The following MCTP1 variants were observed in gnomAD, a reference collection of about 807,000 sequenced individuals.
The protein encoded by MCTP1 is multiple C2 and transmembrane domain-containing protein 1.
In MCTP1, 69 loss-of-function variants were observed where a neutral mutation model predicts 120.6. The ratio of observed to expected loss-of-function variants is 0.57; its 90% CI spans 0.47 to 0.70. The LOEUF (loss-of-function observed/expected upper bound fraction) is 0.70, where lower values mean the gene tolerates loss of function less well. MCTP1 is among the 30% of genes least tolerant of loss of function. The pLI, the probability that MCTP1 is intolerant of heterozygous loss-of-function variation, is 0.00. For synonymous variants in MCTP1, 529 were observed against 493.1 expected (o/e 1.07, Z -0.96); for missense variants, 1,203 against 1,248.8 (o/e 0.96, Z 0.55).
chr5:94,943,070 C>T (rs1359275638), intron 3 of MCTP1, among the ~76,000 whole-genome samples: 1 of 152,002 alleles, frequency 6.6e-6, no homozygotes, highest in African/African-American at 2.4e-5. Context: ...TTCTTATTCA[C>T]TCTATGGTAA....
At chr5:94,926,823 G>A (rs541062198) in intron 6 of MCTP1, among the ~76,000 whole-genome samples, 10 of 152,270 alleles carry the variant, frequency 6.6e-5, no homozygotes, top group African/African-American at 2.4e-4. Context: ...CGACTCACTT[G>A]ATAACACATG....
chr5:95,278,962 C>CAAAAAAAAAAA (rs113219166), intron 1 of MCTP1, among the ~76,000 whole-genome samples: 1 of 80,922 alleles, frequency 1.2e-5, no homozygotes, highest in African/African-American at 4.0e-5. Flanking sequence ...AACTCCGTCT[C>CAAAAAAAAAAA]AAAAAAAAAA....
intron 1 of MCTP1, among the ~76,000 whole-genome samples, chr5:95,173,486 C>A (rs1747596400): frequency 6.6e-6 from 1 of 152,144 alleles, no homozygotes; most frequent in South Asian, 2.1e-4. Flanking sequence ...GTATAGCCAT[C>A]ATCTAGCTCC....
intron 1 of MCTP1, among the ~76,000 whole-genome samples, chr5:95,021,093 C>T (rs1838126036): frequency 6.6e-6 from 1 of 152,006 alleles, no homozygotes; most frequent in South Asian, 2.1e-4. Context: ...CATCTAGGTT[C>T]GAATCCTGCC....
chr5:94,859,339 T>C (rs1795303057), intron 17 of MCTP1, among the ~76,000 whole-genome samples: 1 of 151,656 alleles, frequency 6.6e-6, no homozygotes, highest in Non-Finnish European at 1.5e-5. Context: ...AGTTAACACA[T>C]ACAAAAGTAT....
At chr5:95,059,490 A>C (rs998667977) in intron 1 of MCTP1, among the ~76,000 whole-genome samples, 1 of 152,128 alleles carries the variant, frequency 6.6e-6, no homozygotes, top group South Asian at 2.1e-4. Context: ...TAATGGGATT[A>C]TTTGTACTCA....
Position 95,043,161 on chromosome 5 carries a change from A to G in MCTP1, c.721-25677T>C, listed in dbSNP as rs145366997. Among the ~76,000 whole-genome samples the G allele has an allele frequency of 1.3e-3, 197 of 152,352 alleles. 1 individual carries two copies. Among genetic ancestry groups the G allele is most frequent in the African/African-American group, 4.6e-3 (190 of 41,588 alleles). On this transcript the variant is annotated intron_variant, in intron 1 of 22. Coordinates refer to ENST00000515393, the MANE Select transcript of MCTP1 (RefSeq NM_024717.7). Reference sequence around the variant, plus strand: ...GCCAAGAACATATTATCAGATATTTATAATAAGTCAGTCTTCCACAGAGGG... The same window carrying G: ...GCCAAGAACATATTATCAGATATTTGTAATAAGTCAGTCTTCCACAGAGGG...
intron 22 of MCTP1, among the ~76,000 whole-genome samples, chr5:94,707,829 C>G (rs1755100172): frequency 6.6e-6 from 1 of 151,736 alleles, no homozygotes; most frequent in African/African-American, 2.4e-5. Context: ...AAAGTAAAAC[C>G]ATCTACATCA....
intron 17 of MCTP1, among the ~76,000 whole-genome samples, chr5:94,862,804 T>C (rs539674990): frequency 6.6e-6 from 1 of 151,926 alleles, no homozygotes; most frequent in Admixed American, 6.6e-5. Context: ...GGAGTTGAGA[T>C]AAATTGGGCG....
In MCTP1 at chr5:94,861,363, T is replaced by A. The variant is rs140746363; in HGVS notation, c.2436+6970A>T. On this transcript the variant is annotated intron_variant, in intron 17 of 22. Transcript: ENST00000515393. ...CACATTCATAATTGTAACGAATATC[T>A]GCACATCTAGTCAACACAGGAAAAT... Among the ~76,000 whole-genome samples, 349 of 151,968 alleles carry A rather than the reference T, an allele frequency of 2.3e-3. 1 individual carries two copies. The highest frequency in any genetic ancestry group is 0.014 in the Middle Eastern group (4 of 294).
At chr5:95,041,199 A>G (rs1176990922) in intron 1 of MCTP1, among the ~76,000 whole-genome samples, 9 of 151,794 alleles carry the variant, frequency 5.9e-5, no homozygotes. Flanking sequence ...TTATCATACT[A>G]CTTTTACAGA....
chr5:94,866,461 C>A (rs1446667837), intron 17 of MCTP1, among the ~76,000 whole-genome samples: 6 of 151,656 alleles, frequency 4.0e-5, no homozygotes, highest in Non-Finnish European at 8.8e-5. Context: ...TACTCTTACT[C>A]TGTTTTCACA....
intron 1 of MCTP1, among the ~76,000 whole-genome samples, chr5:95,056,975 T>C (rs1446721281): frequency 6.6e-6 from 1 of 152,316 alleles, no homozygotes; most frequent in East Asian, 1.9e-4. Context: ...ATTTCATTTA[T>C]ATAAATAAAA....
chr5:95,067,449 A>G (rs1052367943), intron 1 of MCTP1, among the ~76,000 whole-genome samples: 1 of 152,166 alleles, frequency 6.6e-6, no homozygotes, highest in Admixed American at 6.5e-5. Context: ...ATGAAAATAA[A>G]TGATTTAGAA....
chr5:95,018,279 G>A (rs1837506365), intron 1 of MCTP1, among the ~76,000 whole-genome samples: 1 of 151,962 alleles, frequency 6.6e-6, no homozygotes, highest in Admixed American at 6.6e-5. Context: ...TATACAATAG[G>A]AAAGCTTTTC....
chr5:95,190,807 C>T (rs1749743839), intron 1 of MCTP1, among the ~76,000 whole-genome samples: 1 of 151,990 alleles, frequency 6.6e-6, no homozygotes, highest in Admixed American at 6.6e-5. Flanking sequence ...AAGAGATTTA[C>T]AATACAGATA....
intron 1 of MCTP1, among the ~76,000 whole-genome samples, chr5:95,225,868 G>C (rs1270283267): frequency 6.6e-6 from 1 of 152,098 alleles, no homozygotes; most frequent in Non-Finnish European, 1.5e-5. Flanking sequence ...ATGTAAATAT[G>C]TATTTCATTA....
rs1265713644 is a variant in MCTP1, at chr5:95,203,644, C to A, written c.720+80212G>T. Among the ~76,000 whole-genome samples, 5 of 152,124 alleles carry A rather than the reference C, an allele frequency of 3.3e-5. No individual in the cohort carries two copies. The East Asian group carries it at 9.6e-4, about 29-fold the overall frequency. ...TAAAAATTAATCAAATGAATGAATT[C>A]ATAAGTTAGTAAGTACATGAGTGAG... On this transcript the variant is annotated intron_variant, in intron 1 of 22. Transcript: ENST00000515393.
chr5:94,754,643 C>G (rs1007767370), intron 19 of MCTP1, among the ~76,000 whole-genome samples: 6 of 152,184 alleles, frequency 3.9e-5, no homozygotes, highest in Non-Finnish European at 7.4e-5. Context: ...TCCGATCAGT[C>G]TTTTCAGAAG....
Sources: gnomAD v4.1 joint callset for allele counts (sites outside exome capture counted in the v4.1 genomes callset) on GRCh38, gnomAD v4.1.1 for gene constraint, MANE v1.5 for transcripts, NCBI Gene and HGNC (gene_info 2026-07-23, HGNC 2026-07-21) for gene names.